CHL1: variants seen among roughly 807,000 people sequenced by gnomAD.
CHL1 encodes the protein neural cell adhesion molecule L1-like protein.
CHL1 carries 96 observed loss-of-function variants against 141.9 expected under a neutral mutation model. That is an observed-to-expected ratio of 0.68 (90% CI 0.57 to 0.80). CHL1 has a LOEUF of 0.80. Ranked by LOEUF, CHL1 falls within the 30% of genes least tolerant of loss-of-function variation. The probability of loss-of-function intolerance (pLI) is 0.00; values close to 1 mark genes in which losing one functional copy is unlikely to be tolerated. For synonymous variants in CHL1, 613 were observed against 502.2 expected (o/e 1.22, Z -2.95); for missense variants, 1,820 against 1,457.2 (o/e 1.25, Z -4.05).
intron 1 of CHL1, among the ~76,000 whole-genome samples, chr3:202,540 T>C (rs930930665): frequency 6.6e-6 from 1 of 152,224 alleles, no homozygotes; most frequent in Non-Finnish European, 1.5e-5. Flanking sequence ...TCAATTACAG[T>C]CTCTGTGGAT....
chr3:318,865 A>C (rs925949693), intron 2 of CHL1, among the ~76,000 whole-genome samples: 1 of 151,686 alleles, frequency 6.6e-6, no homozygotes, highest in African/African-American at 2.4e-5. Context: ...TAGATATCTA[A>C]TATGAGGAAC....
chr3:341,021 A>T, intron 6 of CHL1, 105 bp downstream of exon 6: 5 of 1,229,632 alleles, frequency 4.1e-6, no homozygotes, highest in Non-Finnish European at 5.7e-6. Context: ...AAGATCTCTT[A>T]ATTTTTTCAT....
At chr3:395,525 G>T (rs1708599555) in intron 24 of CHL1, among the ~76,000 whole-genome samples, 1 of 152,140 alleles carries the variant, frequency 6.6e-6, no homozygotes, top group Admixed American at 6.5e-5. Context: ...ATAGCAACAG[G>T]ACCTTTGCAG....
chr3:295,338 C>T (rs1164954705), intron 2 of CHL1, among the ~76,000 whole-genome samples: 1 of 152,096 alleles, frequency 6.6e-6, no homozygotes, highest in African/African-American at 2.4e-5. Context: ...TCTAGTGTCC[C>T]GAAGCCACAG....
At chr3:357,562 A>G (rs1032294226) in intron 11 of CHL1, among the ~76,000 whole-genome samples, 8 of 152,194 alleles carry the variant, frequency 5.3e-5, no homozygotes, top group Non-Finnish European at 1.0e-4. Flanking sequence ...GATTAACTCC[A>G]GAGCTGAAGT....
At chr3:255,188 G>T (rs949924314) in intron 2 of CHL1, among the ~76,000 whole-genome samples, 1 of 152,140 alleles carries the variant, frequency 6.6e-6, no homozygotes, top group Non-Finnish European at 1.5e-5. Context: ...CTCAAACAGT[G>T]GTTGCATTCT....
intron 1 of CHL1, among the ~76,000 whole-genome samples, chr3:234,768 T>C (rs1032971381): frequency 6.6e-6 from 1 of 152,074 alleles, no homozygotes; most frequent in Non-Finnish European, 1.5e-5. Flanking sequence ...GACACAGGGC[T>C]CCCCATTCAT....
At chr3:202,646 G>A (rs73814172) in intron 1 of CHL1, among the ~76,000 whole-genome samples, 3,808 of 152,186 alleles carry the variant, frequency 0.025, 163 homozygotes, top group African/African-American at 0.086. Context: ...TTAGATTTGC[G>A]TACGCCGTCC....
chr3:391,189 A>C (rs1349930399), intron 22 of CHL1, 30 bp downstream of exon 22: 2 of 1,524,004 alleles, frequency 1.3e-6, no homozygotes, highest in Non-Finnish European at 1.8e-6. Context: ...GAGTCATGTC[A>C]AAAATGGAGG....
Position 399,101 on chromosome 3 carries a change from T to C in CHL1, c.3338T>C (p.Leu1113Ser). The change falls in exon 26 of 28, where the codon TTA becomes TCA. Residue 1113 changes from leucine (L) to serine (S), a missense_variant. Leu to Ser is a moderately radical substitution (Grantham distance 145). Transcript: ENST00000256509. ...GCGATTGCTCTTCTCACACTACTATTATTAACTGTTTGCTTTGTGAAGAGG... is the reference window on the plus strand; with the variant it reads ...GCGATTGCTCTTCTCACACTACTATCATTAACTGTTTGCTTTGTGAAGAGG... ...MCAIALLTLL[L>S]LTVCFVKRNR... The C allele has an allele frequency of 6.2e-7, 1 of 1,608,308 alleles. No homozygotes were observed.
chr3:370,549 A>AT (rs398105498), intron 15 of CHL1, among the ~76,000 whole-genome samples: 1 of 150,462 alleles, frequency 6.6e-6, no homozygotes, highest in Non-Finnish European at 1.5e-5. Context: ...AAAAAAAAAA[A>AT]CCAGCTCCTG....
chr3:294,789 C>A (rs564399200), intron 2 of CHL1, among the ~76,000 whole-genome samples: 9 of 152,152 alleles, frequency 5.9e-5, no homozygotes, highest in African/African-American at 2.2e-4. Context: ...AAACTGCGGT[C>A]GACCACAATT....
chr3:258,696 A>G (rs529344434), intron 2 of CHL1, among the ~76,000 whole-genome samples: 5 of 152,264 alleles, frequency 3.3e-5, no homozygotes, highest in Non-Finnish European at 5.9e-5. Context: ...TGTCTGAATC[A>G]GTTTTAAATA....
rs887628300 is a variant in CHL1 at position 268,699 on chromosome 3, A to G, written c.-95+24007A>G. ...ATAAATATATCTTGCAAAACTGAAT[A>G]AGAATTAACTTTGAGGCAGCTATAC... On this transcript the variant is annotated intron_variant, in intron 2 of 27. Transcript: ENST00000256509. Among the ~76,000 whole-genome samples, 12 of 152,350 alleles carry G rather than the reference A, an allele frequency of 7.9e-5. No individual in the cohort carries two copies. In the East Asian group the frequency reaches 1.2e-3, roughly 15 times the overall value.
chr3:356,866 A>G (rs1703767900), intron 11 of CHL1, among the ~76,000 whole-genome samples: 1 of 152,222 alleles, frequency 6.6e-6, no homozygotes, highest in African/African-American at 2.4e-5. Context: ...TTTTGAGAAT[A>G]CACTAGGCAG....
chr3:349,320 T>C (rs1424965246), intron 9 of CHL1, 39 bp from the exon 10 acceptor site: 1 of 1,550,122 alleles, frequency 6.5e-7, no homozygotes, highest in Non-Finnish European at 8.8e-7. Flanking sequence ...TACTTTCCGC[T>C]TTTAAAAAAA....
chr3:390,566 C>A, intron 20 of CHL1, 135 bp from the exon 21 acceptor site: 1 of 607,704 alleles, frequency 1.6e-6, no homozygotes, highest in Non-Finnish European at 2.9e-6. Context: ...TCATGAGAAA[C>A]TCTTTTGGTT....
intron 15 of CHL1, among the ~76,000 whole-genome samples, chr3:367,945 G>T (rs189392550): frequency 1.4e-3 from 209 of 152,230 alleles, no homozygotes; most frequent in African/African-American, 4.8e-3. Context: ...TTTTATGGCT[G>T]TATAGTATTC....
intron 2 of CHL1, among the ~76,000 whole-genome samples, chr3:290,434 A>G (rs747407261): frequency 6.6e-6 from 1 of 152,182 alleles, no homozygotes; most frequent in Non-Finnish European, 1.5e-5. Context: ...AACAGACAGT[A>G]TTTATATTCT....
Sources: gnomAD v4.1 joint callset for allele counts (sites outside exome capture counted in the v4.1 genomes callset) on GRCh38, gnomAD v4.1.1 for gene constraint, MANE v1.5 for transcripts, NCBI Gene and HGNC (gene_info 2026-07-23, HGNC 2026-07-21) for gene names.